The following CDH13 variants were observed in gnomAD, a reference collection of about 807,000 sequenced individuals.
CDH13 encodes the protein cadherin-13.
A neutral mutation model predicts 63.8 loss-of-function variants in CDH13; 24 were observed. The ratio of observed to expected loss-of-function variants is 0.38; its 90% CI spans 0.27 to 0.53. The LOEUF (loss-of-function observed/expected upper bound fraction) is 0.53. CDH13 is among the 20% of genes least tolerant of loss of function. The pLI is 0.85. For missense variants in CDH13, 1,049 were observed against 903.1 expected, an observed-to-expected ratio of 1.16 and a Z score of -2.07; for synonymous variants, 503 against 355.3, an observed-to-expected ratio of 1.42 and a Z score of -4.67.
At chr16:83,547,953 C>T (rs1246463453) in intron 7 of CDH13, among the ~76,000 whole-genome samples, 3 of 152,180 alleles carry the variant, frequency 2.0e-5, no homozygotes, top group Non-Finnish European at 4.4e-5. Flanking sequence ...AGACTGGGTT[C>T]TGTAAGCTCT....
intron 13 of CDH13, among the ~76,000 whole-genome samples, chr16:83,792,429 C>G (rs1021946911): frequency 6.6e-6 from 1 of 152,192 alleles, no homozygotes; most frequent in African/African-American, 2.4e-5. Context: ...AGATTGGAGC[C>G]TATTTAGTGG....
At chr16:83,431,826 C>T (rs1408512688) in intron 6 of CDH13, among the ~76,000 whole-genome samples, 1 of 152,160 alleles carries the variant, frequency 6.6e-6, no homozygotes, top group East Asian at 1.9e-4. Flanking sequence ...CGCCAGGCCC[C>T]ACCTCCAACA....
chr16:83,127,584 G>C (rs756743407), intron 4 of CDH13, among the ~76,000 whole-genome samples: 1 of 152,076 alleles, frequency 6.6e-6, no homozygotes, highest in Non-Finnish European at 1.5e-5. Flanking sequence ...ACAAAAATTA[G>C]CCAGTGTCAT....
At chr16:83,751,973 C>T (rs777875528) in intron 11 of CDH13, among the ~76,000 whole-genome samples, 8 of 152,130 alleles carry the variant, frequency 5.3e-5, no homozygotes, top group African/African-American at 1.4e-4. Flanking sequence ...AGAAGAGATG[C>T]GACTTATCAG....
At chr16:83,187,711 A>C (rs1424530049) in intron 4 of CDH13, among the ~76,000 whole-genome samples, 2 of 152,210 alleles carry the variant, frequency 1.3e-5, no homozygotes, top group East Asian at 3.9e-4. Flanking sequence ...TGGACACAGC[A>C]GTGAACAGAA....
chr16:82,692,842 T>C (rs77925327), intron 1 of CDH13, among the ~76,000 whole-genome samples: 1,548 of 152,272 alleles, frequency 0.01, 17 homozygotes, highest in African/African-American at 0.035. Flanking sequence ...AGGCAGCTTC[T>C]AAGTGACCCC....
chr16:83,605,021 A>T (rs907771256), intron 8 of CDH13, among the ~76,000 whole-genome samples: 1 of 152,258 alleles, frequency 6.6e-6, no homozygotes, highest in African/African-American at 2.4e-5. Flanking sequence ...TCAAAATATC[A>T]TATTGTAAAC....
intron 11 of CDH13, among the ~76,000 whole-genome samples, chr16:83,752,672 C>T (rs1462959819): frequency 1.3e-5 from 2 of 152,328 alleles, no homozygotes; most frequent in South Asian, 4.1e-4. Flanking sequence ...TCAGCATACA[C>T]CTGTATGAAC....
chr16:83,005,983 C>T (rs1597393795), intron 2 of CDH13, among the ~76,000 whole-genome samples: 1 of 152,172 alleles, frequency 6.6e-6, no homozygotes, highest in Non-Finnish European at 1.5e-5. Flanking sequence ...AAAAGTCCTT[C>T]ATATGTCATT....
chr16:83,569,663 C>G (rs971057568), intron 7 of CDH13, among the ~76,000 whole-genome samples: 1 of 152,172 alleles, frequency 6.6e-6, no homozygotes, highest in African/African-American at 2.4e-5. Context: ...AGACATAGGA[C>G]ATGGACTCAG....
chr16:82,664,738 G>A (rs1912384678), intron 1 of CDH13, among the ~76,000 whole-genome samples: 1 of 152,180 alleles, frequency 6.6e-6, no homozygotes, highest in South Asian at 2.1e-4. Context: ...GGTTTGGTAT[G>A]TAAAACTGAG....
chr16:83,173,045 C>T (rs1353891968), intron 4 of CDH13, among the ~76,000 whole-genome samples: 1 of 152,104 alleles, frequency 6.6e-6, no homozygotes, highest in Non-Finnish European at 1.5e-5. Flanking sequence ...GGGAAAGGTA[C>T]TTGGCACTAA....
chr16:83,340,327 T>TGTGTGC (rs60138712), intron 5 of CDH13, among the ~76,000 whole-genome samples: 1 of 151,900 alleles, frequency 6.6e-6, no homozygotes, highest in African/African-American at 2.4e-5. Flanking sequence ...TGTGTGTGTG[T>TGTGTGC]ATGTGCGCAT....
chr16:83,570,818 A>G (rs1904522123), intron 7 of CDH13, among the ~76,000 whole-genome samples: 1 of 126,094 alleles, frequency 7.9e-6, no homozygotes, highest in Non-Finnish European at 1.7e-5. Flanking sequence ...ATATATTTAT[A>G]AATATAAATA....
At chr16:82,629,100 T>A (rs1367964172) in intron 1 of CDH13, among the ~76,000 whole-genome samples, 1 of 152,230 alleles carries the variant, frequency 6.6e-6, no homozygotes, top group East Asian at 1.9e-4. Context: ...CCCAAAGTTA[T>A]GCCTCCTTTA....
At chr16:83,594,976 C>A (rs1393901635) in intron 7 of CDH13, among the ~76,000 whole-genome samples, 2 of 152,154 alleles carry the variant, frequency 1.3e-5, no homozygotes, top group East Asian at 1.9e-4. Context: ...TACCATCTTG[C>A]TTTTGTTTCT....
At chr16:82,821,330 T>C (rs2037992129) in intron 1 of CDH13, among the ~76,000 whole-genome samples, 1 of 152,220 alleles carries the variant, frequency 6.6e-6, no homozygotes, top group Admixed American at 6.5e-5. Flanking sequence ...CTTTATAATA[T>C]TGGCATAAGG....
chr16:82,961,293 C>G (rs117010271), intron 2 of CDH13, among the ~76,000 whole-genome samples: 1 of 152,114 alleles, frequency 6.6e-6, no homozygotes, highest in Non-Finnish European at 1.5e-5. Context: ...CCGTCATTTT[C>G]CCAGGTGCCC....
chr16:82,952,444 C>T (rs7186595), intron 2 of CDH13, among the ~76,000 whole-genome samples: 1 of 151,742 alleles, frequency 6.6e-6, no homozygotes, highest in Non-Finnish European at 1.5e-5. Context: ...CATTCATGCC[C>T]GTAAGTTATC....
Sources: gnomAD v4.1 joint callset for allele counts (sites outside exome capture counted in the v4.1 genomes callset) on GRCh38, gnomAD v4.1.1 for gene constraint, MANE v1.5 for transcripts, NCBI Gene and HGNC (gene_info 2026-07-23, HGNC 2026-07-21) for gene names.